Variants in MGAT5B observed in about 807,000 individuals in gnomAD.
The protein encoded by MGAT5B is alpha-1,6-mannosylglycoprotein 6-beta-N-acetylglucosaminyltransferase B.
A neutral mutation model predicts 95.1 loss-of-function variants in MGAT5B; 54 were observed. The ratio of observed to expected loss-of-function variants is 0.57; its 90% confidence interval spans 0.46 to 0.71. MGAT5B has a LOEUF of 0.71. MGAT5B is among the 30% of genes least tolerant of loss of function. The probability of loss-of-function intolerance (pLI) is 0.00; values close to 1 mark genes in which losing one functional copy is unlikely to be tolerated. For synonymous variants in MGAT5B, 464 were observed against 451.0 expected, an observed-to-expected ratio of 1.03 and a Z score of -0.36; for missense variants, 935 against 1,088.6, an observed-to-expected ratio of 0.86 and a Z score of 1.99.
chr17:76,878,338 G>C (rs1296709115), intron 2 of MGAT5B, among the ~76,000 whole-genome samples: 1 of 152,166 alleles, frequency 6.6e-6, no homozygotes, highest in Non-Finnish European at 1.5e-5. Context: ...AGCAGCTCCT[G>C]AGCCCCTGGC....
chr17:76,917,861 A>G lies in MGAT5B; in HGVS notation c.1026-7105A>G, dbSNP rs748278972. 6.6e-6 allele frequency among the ~76,000 whole-genome samples: 1 copy of G among 152,224 alleles called. No individual in the cohort carries two copies. Among genetic ancestry groups the G allele is most frequent in the Non-Finnish European group, 1.5e-5 (1 of 68,036 alleles). On this transcript the variant is annotated intron_variant, in intron 8 of 17. Coordinates refer to ENST00000569840, the MANE Select transcript of MGAT5B (RefSeq NM_001199172.2). The surrounding 1 kb of genome is among the most constrained non-coding windows in gnomAD (Gnocchi z 6.1). ...CGGGGTGGCCTGAGCACCAGGAGCT[A>G]AAGCCTGGATGAGAAAACCTGGGTT...
At chr17:76,882,828 C>A (rs1427551276) in intron 3 of MGAT5B, among the ~76,000 whole-genome samples, 3 of 151,288 alleles carry the variant, frequency 2.0e-5, no homozygotes. Context: ...GATCCTCCCA[C>A]CCCAGCCTCC....
intron 8 of MGAT5B, among the ~76,000 whole-genome samples, chr17:76,922,344 A>G (rs1041671104): frequency 3.9e-5 from 6 of 152,208 alleles, no homozygotes; most frequent in African/African-American, 1.2e-4. Context: ...GGAAGGATAC[A>G]GAGGGAGTGT....
At chr17:76,872,718 C>T (rs761934713) in intron 1 of MGAT5B, 133 bp from the exon 2 acceptor site, 3 of 1,559,184 alleles carry the variant, frequency 1.9e-6, no homozygotes, top group Admixed American at 1.9e-5. Flanking sequence ...GCTCAGCCCC[C>T]ATCCTTTCAT....
Position 76,930,857 on chromosome 17 carries a change from G to A in MGAT5B, c.1292-1788G>A, listed in dbSNP as rs2145252307. 6.6e-6 allele frequency among the ~76,000 whole-genome samples: 1 copy of A among 152,340 alleles called. No homozygotes were observed. The highest frequency in any genetic ancestry group is 2.4e-5 in the African/African-American group (1 of 41,576). Reference sequence around the variant, plus strand: ...GAAGGCTTCCAGGAGGAGGTGTCGTGTGAGAGGGGCCCCGAAGGCTGAGTA... The same window carrying A: ...GAAGGCTTCCAGGAGGAGGTGTCGTATGAGAGGGGCCCCGAAGGCTGAGTA... On this transcript the variant is annotated intron_variant, in intron 10 of 17. Coordinates refer to ENST00000569840, the MANE Select transcript of MGAT5B (RefSeq NM_001199172.2). This position sits in a 1 kb window ranked among gnomAD's most constrained non-coding sequence, Gnocchi z 4.1.
rs374337529 is a variant in MGAT5B, at chr17:76,869,732, A to G, written c.68+635A>G. 2.6e-5 allele frequency among the ~76,000 whole-genome samples: 4 copies of G among 152,098 alleles called. No individual in the cohort carries two copies. Among genetic ancestry groups the G allele is most frequent in the African/African-American group, 9.7e-5 (4 of 41,432 alleles). ...GGGGCAGGGGCGGCGCTGCAGGGCTACGGGGCGGCTGGAGCCGAGGCTGCG... is the reference window on the plus strand; with the variant it reads ...GGGGCAGGGGCGGCGCTGCAGGGCTGCGGGGCGGCTGGAGCCGAGGCTGCG... On this transcript the variant is annotated intron_variant, in intron 1 of 17. Transcript: ENST00000569840. This position sits in a 1 kb window ranked among gnomAD's most constrained non-coding sequence, Gnocchi z 7.0.
chr17:76,908,543 A>G (rs953429663), intron 8 of MGAT5B, among the ~76,000 whole-genome samples: 1 of 151,836 alleles, frequency 6.6e-6, no homozygotes, highest in Non-Finnish European at 1.5e-5. Context: ...CTGGGATTAC[A>G]GGCATGAGCC....
In MGAT5B at chr17:76,915,393, C is replaced by G. The variant is rs1007019672; in HGVS notation, c.1025+9206C>G. On this transcript the variant is annotated intron_variant, in intron 8 of 17. Coordinates refer to ENST00000569840, the MANE Select transcript of MGAT5B (RefSeq NM_001199172.2). This position sits in a 1 kb window ranked among gnomAD's most constrained non-coding sequence, Gnocchi z 8.7. The stretch of plus-strand genomic sequence containing the variant: ...TCTCTGACGGTTTCTATTTTATCTT[C>G]GATGCCGGAGGGGAGAGCATTTCCC... Among the ~76,000 whole-genome samples the G allele has an allele frequency of 1.3e-5, 2 of 151,976 alleles. No individual in the cohort carries two copies. The highest frequency in any genetic ancestry group is 2.9e-5 in the Non-Finnish European group (2 of 68,002).
rs772807147 is a variant in MGAT5B at position 76,869,131 on chromosome 17, G to C, written c.68+34G>C. The C allele has an allele frequency of 8.8e-6, 14 of 1,596,336 alleles. No individual in the cohort carries two copies. The highest frequency in any genetic ancestry group is 3.3e-5 in the South Asian group (3 of 90,708). On this transcript the variant is annotated intron_variant, in intron 1 of 17. Coordinates refer to ENST00000569840, the MANE Select transcript of MGAT5B (RefSeq NM_001199172.2). The surrounding 1 kb of genome is among the most constrained non-coding windows in gnomAD (Gnocchi z 7.0). The stretch of plus-strand genomic sequence containing the variant: ...CCCTCCTGGTTGGTTTTTTCCCCAG[G>C]GGGGCGCCGGGTGGAGGTGGGCGAG...
At chr17:76,878,586 C>T (rs1967285085) in intron 2 of MGAT5B, among the ~76,000 whole-genome samples, 1 of 152,150 alleles carries the variant, frequency 6.6e-6, no homozygotes, top group South Asian at 2.1e-4. Flanking sequence ...GCAATCCTCC[C>T]ACCTCAGCCC....
intron 8 of MGAT5B, among the ~76,000 whole-genome samples, chr17:76,920,575 G>A (rs962810979): frequency 9.2e-5 from 14 of 152,168 alleles, no homozygotes; most frequent in East Asian, 3.8e-4. Context: ...CTTCTGATAA[G>A]AGCAATGAGG....
At chr17:76,941,304 G>T (rs1308392724) in intron 15 of MGAT5B, among the ~76,000 whole-genome samples, 1 of 152,232 alleles carries the variant, frequency 6.6e-6, no homozygotes, top group African/African-American at 2.4e-5. Flanking sequence ...GAGTAGCAAG[G>T]GGGCAGAACA....
chr17:76,913,539 G>A (rs1968819384), intron 8 of MGAT5B: 2 of 367,350 alleles, frequency 5.4e-6, no homozygotes, highest in Non-Finnish European at 5.4e-6. Flanking sequence ...CAGGGGAGGT[G>A]TGGCATGGAG....
intron 8 of MGAT5B, among the ~76,000 whole-genome samples, chr17:76,919,898 C>A (rs11077877): frequency 0.47 from 71,451 of 152,028 alleles, 17,939 homozygotes; most frequent in Non-Finnish European, 0.55. Context: ...ACCCATTAAA[C>A]AATAATTTCC....
intron 8 of MGAT5B, among the ~76,000 whole-genome samples, chr17:76,921,818 G>A (rs59826160): frequency 0.017 from 2,546 of 152,252 alleles, 99 homozygotes; most frequent in East Asian, 0.15. Context: ...GCTCCTTCCT[G>A]GCTGTGTAAC....
chr17:76,913,725 G>A (rs192188957), intron 8 of MGAT5B: 58 of 507,424 alleles, frequency 1.1e-4, no homozygotes, highest in Admixed American at 6.0e-4. Flanking sequence ...ATGGGTGCCT[G>A]TGAGAAGATG....
chr17:76,907,619 G>A (rs960129453), intron 8 of MGAT5B, among the ~76,000 whole-genome samples: 23 of 152,094 alleles, frequency 1.5e-4, no homozygotes, highest in Admixed American at 4.6e-4. Context: ...TCCTGTCTGC[G>A]GATATTTTTT....
intron 12 of MGAT5B, among the ~76,000 whole-genome samples, chr17:76,935,332 T>C (rs1969614867): frequency 7.3e-6 from 1 of 136,550 alleles, no homozygotes; most frequent in Non-Finnish European, 1.6e-5. Context: ...TCGTGTACAA[T>C]TTTTTGTAGA....
At position 76,938,530 on chromosome 17, in the gene MGAT5B, G is replaced by A. The variant is rs1319881073; in HGVS notation, c.1584+387G>A. On this transcript the variant is annotated intron_variant, in intron 13 of 17. Transcript: ENST00000569840. The surrounding 1 kb of genome is among the most constrained non-coding windows in gnomAD (Gnocchi z 4.3). ...GGTGGAGAGAAGGGTCCTGGCTAGAGTGCCATTGAGCCACTAGTCCTGAGT... is the reference window on the plus strand; with the variant it reads ...GGTGGAGAGAAGGGTCCTGGCTAGAATGCCATTGAGCCACTAGTCCTGAGT... Among the ~76,000 whole-genome samples the A allele has an allele frequency of 1.3e-5, 2 of 152,214 alleles. No individual in the cohort carries two copies. The highest frequency in any genetic ancestry group is 2.9e-5 in the Non-Finnish European group (2 of 68,032).
Sources: allele counts gnomAD v4.1 joint callset (sites outside exome capture counted in the v4.1 genomes callset), GRCh38; gene constraint gnomAD v4.1.1; non-coding constraint Gnocchi (gnomAD v3.1); transcripts MANE v1.5; gene names NCBI Gene and HGNC (gene_info 2026-07-23, HGNC 2026-07-21).